Variants in TSC22D2 observed in about 807,000 individuals in gnomAD.
TSC22D2 encodes the protein TSC22 domain family member 2, also known as TSC22 domain family protein 2.
Under a neutral mutation model 50.1 loss-of-function variants are expected in TSC22D2, and 5 were observed. The ratio of observed to expected loss-of-function variants is 0.10; its 90% CI spans 0.05 to 0.21. TSC22D2 has a LOEUF of 0.21. TSC22D2 is among the 10% of genes least tolerant of loss of function. The pLI, the probability that TSC22D2 is intolerant of heterozygous loss-of-function variation, is 1.00. For synonymous variants in TSC22D2, 501 were observed against 450.1 expected, an observed-to-expected ratio of 1.11 and a Z score of -1.43; for missense variants, 1,003 against 1,015.5, an observed-to-expected ratio of 0.99 and a Z score of 0.17.
chr3:150,416,361 G>A (rs537066886), intron 1 of TSC22D2, among the ~76,000 whole-genome samples: 2 of 92,698 alleles, frequency 2.2e-5, no homozygotes, highest in African/African-American at 4.4e-5. Context: ...ATGATATTCC[G>A]TAAGTAATTC....
At chr3:150,441,672 T>C (rs952728756) in intron 1 of TSC22D2, among the ~76,000 whole-genome samples, 13 of 152,202 alleles carry the variant, frequency 8.5e-5, no homozygotes, top group Admixed American at 7.2e-4. Context: ...AAGGATTGCT[T>C]GGGCCTGAGA....
chr3:150,438,654 AG>A (rs1720623840), intron 1 of TSC22D2, among the ~76,000 whole-genome samples: 3 of 152,182 alleles, frequency 2.0e-5, no homozygotes, highest in Admixed American at 6.5e-5. Flanking sequence ...AATATAGTGA[AG>A]AACCCAAATA....
intron 1 of TSC22D2, among the ~76,000 whole-genome samples, chr3:150,412,989 G>T (rs1293076748): frequency 6.6e-6 from 1 of 151,594 alleles, no homozygotes; most frequent in Admixed American, 6.6e-5. Context: ...GAGCTACCCC[G>T]CTTTCTATAC....
At chr3:150,420,177 C>A (rs1401362484) in intron 1 of TSC22D2, among the ~76,000 whole-genome samples, 1 of 152,158 alleles carries the variant, frequency 6.6e-6, no homozygotes, top group Non-Finnish European at 1.5e-5. Context: ...GATGATCAAG[C>A]CTTTCAATCT....
intron 1 of TSC22D2, among the ~76,000 whole-genome samples, chr3:150,428,136 C>G (rs1490525713): frequency 6.6e-6 from 1 of 152,064 alleles, no homozygotes; most frequent in African/African-American, 2.4e-5. Flanking sequence ...TAGCACTGTT[C>G]CTTTATTGAA....
chr3:150,437,509 G>C (rs1720583417), intron 1 of TSC22D2, among the ~76,000 whole-genome samples: 1 of 151,892 alleles, frequency 6.6e-6, no homozygotes, highest in Admixed American at 6.6e-5. Context: ...CATGCTATAA[G>C]TCTAGAAACT....
In TSC22D2 at chr3:150,410,781, G is replaced by A. The variant is rs960004425; in HGVS notation, c.1431G>A (p.Gln477=). The A allele has an allele frequency of 5.6e-6, 9 of 1,611,962 alleles. No homozygotes were observed. The highest frequency in any genetic ancestry group is 7.6e-6 in the Non-Finnish European group (9 of 1,179,468). ...QPCLGPAGAG[Q]PQSVPPPQMG... is the part of the protein sequence containing the mutation. ...GCCTCGGTCCTGCCGGGGCTGGGCA[G>A]CCCCAGTCCGTGCCTCCGCCGCAGA... Residue 477 remains glutamine, a synonymous_variant, in exon 1 of 3, where the codon CAG becomes CAA. Coordinates refer to ENST00000688009, the MANE Select transcript of TSC22D2 (RefSeq NM_001303264.2).
At position 150,408,324 on chromosome 3, in the gene TSC22D2, C is replaced by G. The variant is rs1394723900; in HGVS notation, c.-1027C>G. 6.5e-6 allele frequency: 1 copy of G among 153,336 alleles called. No individual in the cohort carries two copies. Among genetic ancestry groups the G allele is most frequent in the African/African-American group, 2.4e-5 (1 of 41,366 alleles). 9.5% of individuals were successfully genotyped at this position (153,336 alleles called of 1,614,324 possible). On this transcript the variant is annotated 5_prime_UTR_variant, in exon 1 of 3. Coordinates refer to ENST00000688009, the MANE Select transcript of TSC22D2 (RefSeq NM_001303264.2). ...GTCGGCAGCGGCGGCGGCAGCGGGG[C>G]TGCTGCTCCTCCCAGCATCCCTGGC...
At chr3:150,455,170 A>G (rs558455094) in intron 1 of TSC22D2, among the ~76,000 whole-genome samples, 4 of 152,338 alleles carry the variant, frequency 2.6e-5, no homozygotes, top group Admixed American at 6.5e-5. Context: ...GGGATTCCCA[A>G]GCAAACTAAT....
At position 150,458,881 on chromosome 3, in the gene TSC22D2, CAA is replaced by C. The variant is rs1402620789; in HGVS notation, c.*247_*248del. 4.6e-6 allele frequency: 2 copies of C among 433,718 alleles called. No individual in the cohort carries two copies. Among genetic ancestry groups the C allele is most frequent in the Non-Finnish European group, 8.1e-6 (2 of 248,388 alleles). 26.9% of individuals were successfully genotyped at this position (433,718 alleles called of 1,614,324 possible). On this transcript the variant is annotated 3_prime_UTR_variant, in exon 3 of 3. Coordinates refer to ENST00000688009, the MANE Select transcript of TSC22D2 (RefSeq NM_001303264.2). ...AATAGATGGGGTTTATTAAAGCGAG[CAA>C]AGTCTGCATTTTACCTGGTGCGCAT...
At chr3:150,413,868 A>G (rs1046603051) in intron 1 of TSC22D2, among the ~76,000 whole-genome samples, 6 of 138,002 alleles carry the variant, frequency 4.3e-5, no homozygotes, top group Non-Finnish European at 7.9e-5. Context: ...ATATTTGTAA[A>G]TAAGATATAT....
chr3:150,436,400 C>A (rs1164435554), intron 1 of TSC22D2, among the ~76,000 whole-genome samples: 1 of 151,970 alleles, frequency 6.6e-6, no homozygotes, highest in Non-Finnish European at 1.5e-5. Flanking sequence ...GTCAAGCAGT[C>A]GGCCCTTTAA....
chr3:150,415,475 T>C (rs1490165418), intron 1 of TSC22D2, among the ~76,000 whole-genome samples: 1 of 152,236 alleles, frequency 6.6e-6, no homozygotes, highest in African/African-American at 2.4e-5. Context: ...GGTATATATG[T>C]CCTCTACTTC....
chr3:150,424,393 A>G (rs1301269665), intron 1 of TSC22D2, among the ~76,000 whole-genome samples: 1 of 152,182 alleles, frequency 6.6e-6, no homozygotes, highest in African/African-American at 2.4e-5. Flanking sequence ...GAAATGTAAT[A>G]AGAGTAGCTT....
chr3:150,423,169 A>T, intron 1 of TSC22D2: 1 of 1,391,218 alleles, frequency 7.2e-7, no homozygotes. Context: ...TGTATGCATG[A>T]ATTGCTTTGC....
intron 1 of TSC22D2, among the ~76,000 whole-genome samples, chr3:150,442,420 A>G (rs554301049): frequency 6.6e-6 from 1 of 152,348 alleles, no homozygotes; most frequent in East Asian, 1.9e-4. Flanking sequence ...TCTGAAAATA[A>G]TGTTAGAGAT....
Position 150,461,340 on chromosome 3 carries a change from G to C in TSC22D2, c.*2704G>C, listed in dbSNP as rs966141498. The C allele has an allele frequency of 6.6e-6, 1 of 152,112 alleles. No individual in the cohort carries two copies. The highest frequency in any genetic ancestry group is 2.4e-5 in the African/African-American group (1 of 41,406). 9.4% of individuals were successfully genotyped at this position (152,112 alleles called of 1,614,324 possible). On this transcript the variant is annotated 3_prime_UTR_variant, in exon 3 of 3. Transcript: ENST00000688009. ...AAGTAACTTCCAATTCAGCTTTGGA[G>C]ATTTAGTCTCCTGCTCCAAATAGTT...
At chr3:150,412,251 T>C (rs1255256073) in intron 1 of TSC22D2, among the ~76,000 whole-genome samples, 1 of 152,230 alleles carries the variant, frequency 6.6e-6, no homozygotes, top group Non-Finnish European at 1.5e-5. Context: ...AAAAGCTGAC[T>C]TGTTGCAATG....
Position 150,409,480 on chromosome 3 carries a change from G to C in TSC22D2, c.130G>C (p.Val44Leu), listed in dbSNP as rs1719412922. 2 of 1,613,316 alleles carry C rather than the reference G, an allele frequency of 1.2e-6. No homozygotes were observed. Among genetic ancestry groups the C allele is most frequent in the East Asian group, 2.2e-5 (1 of 44,858 alleles). The change falls in exon 1 of 3, where the codon GTC (valine) becomes CTC (leucine). Residue 44 changes from valine to leucine, a missense_variant. By Grantham distance (32) the Val-to-Leu change is conservative. Coordinates refer to ENST00000688009, the MANE Select transcript of TSC22D2 (RefSeq NM_001303264.2). This position sits in a 1 kb window ranked among gnomAD's most constrained non-coding sequence, Gnocchi z 7.4. ...CCCGGACGAGTCACGCACAGAGGAC[G>C]TCTCCTCCGAGATTTTCGACGTCTC... ...DDPDESRTED[V>L]SSEIFDVSRA...
Sources: allele counts gnomAD v4.1 joint callset (sites outside exome capture counted in the v4.1 genomes callset), GRCh38; gene constraint gnomAD v4.1.1; non-coding constraint Gnocchi (gnomAD v3.1); transcripts MANE v1.5; gene names NCBI Gene and HGNC (gene_info 2026-07-23, HGNC 2026-07-21).